MYRIP: variants seen among roughly 807,000 people sequenced by gnomAD.
The protein encoded by MYRIP is myosin VIIA and Rab interacting protein.
Under a neutral mutation model 98.0 loss-of-function variants are expected in MYRIP, and 49 were observed. The ratio of observed to expected loss-of-function variants is 0.50; its 90% CI spans 0.40 to 0.63. The LOEUF (loss-of-function observed/expected upper bound fraction) is 0.63. MYRIP is among the 30% of genes least tolerant of loss of function. The pLI is 0.00. For synonymous variants in MYRIP, 404 were observed against 409.5 expected, an observed-to-expected ratio of 0.99 and a Z score of 0.16; for missense variants, 1,004 against 1,058.2, an observed-to-expected ratio of 0.95 and a Z score of 0.71.
intron 3 of MYRIP, among the ~76,000 whole-genome samples, chr3:40,073,809 C>A (rs895330724): frequency 6.6e-6 from 1 of 152,200 alleles, no homozygotes; most frequent in African/African-American, 2.4e-5. Context: ...GTCTCTGAGG[C>A]GTGAGGTTTT....
At chr3:40,098,500 A>G (rs940866719) in intron 3 of MYRIP, among the ~76,000 whole-genome samples, 1 of 152,086 alleles carries the variant, frequency 6.6e-6, no homozygotes, top group African/African-American at 2.4e-5. Context: ...ATCCTTTTCT[A>G]TCTAAGTTCT....
chr3:39,851,439 C>T (rs1640442571), intron 1 of MYRIP, among the ~76,000 whole-genome samples: 1 of 152,058 alleles, frequency 6.6e-6, no homozygotes, highest in Non-Finnish European at 1.5e-5. Flanking sequence ...GCCCCACTCC[C>T]ACACTCCTGC....
chr3:40,209,777 T>C (rs1295948340), intron 10 of MYRIP, 77 bp from the exon 11 acceptor site: 4 of 1,576,244 alleles, frequency 2.5e-6, no homozygotes, highest in Admixed American at 1.8e-5. Context: ...GTTCCTTTAC[T>C]CAGGGGTTAT....
intron 9 of MYRIP, among the ~76,000 whole-genome samples, chr3:40,184,119 T>C (rs56802870): frequency 0.069 from 10,514 of 152,274 alleles, 1,173 homozygotes; most frequent in African/African-American, 0.24. Context: ...CTTTTCTAGA[T>C]ATGCCTTTCT....
intron 11 of MYRIP, among the ~76,000 whole-genome samples, chr3:40,224,357 A>G (rs1952429055): frequency 6.6e-6 from 1 of 152,028 alleles, no homozygotes; most frequent in Admixed American, 6.6e-5. Context: ...CAGTCATTAG[A>G]AATGTTTCCA....
intron 1 of MYRIP, among the ~76,000 whole-genome samples, chr3:39,891,716 A>G (rs894416632): frequency 1.3e-5 from 2 of 152,178 alleles, no homozygotes; most frequent in East Asian, 3.8e-4. Context: ...GGAATGACCA[A>G]TATTATTGCA....
intron 2 of MYRIP, among the ~76,000 whole-genome samples, chr3:40,028,614 G>A (rs1297461485): frequency 6.6e-6 from 1 of 152,070 alleles, no homozygotes; most frequent in Non-Finnish European, 1.5e-5. Flanking sequence ...AAAGGTTGGG[G>A]AACTTTTTGG....
chr3:39,820,828 T>C (rs1038475851), intron 1 of MYRIP, among the ~76,000 whole-genome samples: 4 of 152,136 alleles, frequency 2.6e-5, no homozygotes, highest in African/African-American at 9.7e-5. Context: ...GGCACTGGAA[T>C]GTTGCTGAGA....
chr3:40,099,985 G>T, intron 3 of MYRIP: 1 of 984,874 alleles, frequency 1.0e-6, no homozygotes, highest in East Asian at 1.1e-4. Flanking sequence ...ACAGCTCTCC[G>T]TCACCTCCCT....
intron 11 of MYRIP, among the ~76,000 whole-genome samples, chr3:40,227,387 ACTCT>A (rs139915991): frequency 7.0e-6 from 1 of 143,068 alleles, no homozygotes; most frequent in African/African-American, 2.6e-5. Context: ...ATGGAAATGT[ACTCT>A]CTCTCTCTCT....
At chr3:39,873,193 T>G (rs1198990850) in intron 1 of MYRIP, among the ~76,000 whole-genome samples, 1 of 152,222 alleles carries the variant, frequency 6.6e-6, no homozygotes, top group East Asian at 1.9e-4. Flanking sequence ...TTGTTTGTTT[T>G]TTTCTTGTAC....
chr3:39,956,527 C>T (rs994980665), intron 2 of MYRIP, among the ~76,000 whole-genome samples: 3 of 152,152 alleles, frequency 2.0e-5, no homozygotes, highest in African/African-American at 7.2e-5. Context: ...ACATTCACAG[C>T]AGTGTGTAGA....
chr3:39,843,711 A>G (rs950040783), intron 1 of MYRIP, among the ~76,000 whole-genome samples: 3 of 152,226 alleles, frequency 2.0e-5, no homozygotes, highest in East Asian at 1.9e-4. Context: ...CAGAGATGGC[A>G]TATCCTAAGT....
At chr3:39,967,962 T>C (rs1945481206) in intron 2 of MYRIP, among the ~76,000 whole-genome samples, 1 of 152,190 alleles carries the variant, frequency 6.6e-6, no homozygotes, top group Admixed American at 6.5e-5. Flanking sequence ...TTTAAGTTTT[T>C]TATATATTCT....
intron 2 of MYRIP, among the ~76,000 whole-genome samples, chr3:39,901,465 G>C (rs1174699756): frequency 6.6e-6 from 1 of 152,114 alleles, no homozygotes; most frequent in Non-Finnish European, 1.5e-5. Context: ...GTAGTCTCCT[G>C]ACTCCTCTGC....
At chr3:40,063,548 A>G (rs4676562) in intron 3 of MYRIP, among the ~76,000 whole-genome samples, 44,031 of 152,056 alleles carry the variant, frequency 0.29, 6,453 homozygotes, top group East Asian at 0.36. Flanking sequence ...GTTTGTTCAA[A>G]TTTTCACTTG....
At chr3:39,956,373 C>G (rs973237036) in intron 2 of MYRIP, among the ~76,000 whole-genome samples, 3 of 152,182 alleles carry the variant, frequency 2.0e-5, no homozygotes, top group African/African-American at 7.2e-5. Flanking sequence ...GATTAAGAAA[C>G]TCACTCAAAA....
chr3:39,819,926 T>C (rs1559485170), intron 1 of MYRIP, among the ~76,000 whole-genome samples: 5 of 152,234 alleles, frequency 3.3e-5, no homozygotes, highest in African/African-American at 1.2e-4. Flanking sequence ...TCTGTGTATA[T>C]TTATATAACA....
intron 2 of MYRIP, among the ~76,000 whole-genome samples, chr3:39,969,227 C>T (rs760715198): frequency 6.6e-6 from 1 of 151,860 alleles, no homozygotes; most frequent in African/African-American, 2.4e-5. Flanking sequence ...GTTTTGGGGC[C>T]GAGACTGGGA....
Sources: allele counts gnomAD v4.1 joint callset (sites outside exome capture counted in the v4.1 genomes callset), GRCh38; gene constraint gnomAD v4.1.1; transcripts MANE v1.5; gene names NCBI Gene and HGNC (gene_info 2026-07-23, HGNC 2026-07-21).